The following CUX1 variants were observed in gnomAD, a reference collection of about 807,000 sequenced individuals.
CUX1 encodes the protein cut like homeobox 1, also known as protein CASP.
In CUX1, 31 loss-of-function variants were observed where a neutral mutation model predicts 158.8. The ratio of observed to expected loss-of-function variants is 0.20; its 90% CI spans 0.15 to 0.26. CUX1 has a LOEUF of 0.26. Among genes scored for constraint, CUX1 ranks in the 10% least tolerant of loss-of-function variants. The probability of loss-of-function intolerance (pLI) is 1.00; values close to 1 mark genes in which losing one functional copy is unlikely to be tolerated. For missense variants in CUX1, 1,589 were observed against 2,014.6 expected (o/e 0.79, Z 4.04); for synonymous variants, 879 against 862.1 (o/e 1.02, Z -0.34).
At chr7:101,907,742 T>C (rs12532535) in intron 1 of CUX1, among the ~76,000 whole-genome samples, 27,517 of 152,140 alleles carry the variant, frequency 0.18, 4,266 homozygotes, top group East Asian at 0.84. Context: ...AAATGAACTT[T>C]CTGCAAATGA....
intron 10 of CUX1, among the ~76,000 whole-genome samples, 183 bp downstream of exon 10, chr7:102,170,733 G>A (rs1791620011): frequency 6.6e-6 from 1 of 152,196 alleles, no homozygotes; most frequent in East Asian, 1.9e-4. Context: ...GTCGAAGGAA[G>A]AGCTTTGCTA....
Position 101,817,641 on chromosome 7 carries a change from T to TG in CUX1, c.3dup (p.Leu2_?1). The TG allele has an allele frequency of 6.4e-7, 1 of 1,551,536 alleles. No individual in the cohort carries two copies. The highest frequency in any genetic ancestry group is 8.7e-7 in the Non-Finnish European group (1 of 1,147,524). Reference sequence around the variant, plus strand: ...CAGCCCCGGGACTCTGCCAGGTGGATGTTGTGCGTAGCCGGAGCCAGGTTG... The same window carrying TG: ...CAGCCCCGGGACTCTGCCAGGTGGATGGTTGTGCGTAGCCGGAGCCAGGTTG... On this transcript the variant is annotated frameshift_variant and start_lost, in exon 1 of 24. Coordinates refer to ENST00000292535, the MANE Select transcript of CUX1 (RefSeq NM_181552.4). LOFTEE classifies it high-confidence loss of function. The surrounding 1 kb of genome is among the most constrained non-coding windows in gnomAD (Gnocchi z 4.1).
intron 2 of CUX1, among the ~76,000 whole-genome samples, chr7:101,950,043 T>C (rs1808868832): frequency 6.6e-6 from 1 of 152,188 alleles, no homozygotes; most frequent in Admixed American, 6.5e-5. Flanking sequence ...AGTCTCACCC[T>C]GTCGATCAGG....
chr7:102,083,989 A>C (rs1478103014), intron 4 of CUX1, among the ~76,000 whole-genome samples: 3 of 145,850 alleles, frequency 2.1e-5, no homozygotes, highest in African/African-American at 7.3e-5. Context: ...AGATTCAAGC[A>C]ATTCTCCTGT....
intron 4 of CUX1, among the ~76,000 whole-genome samples, chr7:102,072,840 G>A (rs1437334186): frequency 1.3e-5 from 2 of 152,174 alleles, no homozygotes; most frequent in Non-Finnish European, 2.9e-5. Flanking sequence ...TCTGGACTAT[G>A]TCATGTCCAT....
At chr7:101,826,774 G>T (rs1793351231) in intron 1 of CUX1, among the ~76,000 whole-genome samples, 2 of 152,076 alleles carry the variant, frequency 1.3e-5, no homozygotes, top group Non-Finnish European at 2.9e-5. Context: ...GTCGTGGGGT[G>T]GCCGGGGATC....
At chr7:102,113,649 C>T (rs1297377786) in intron 7 of CUX1, among the ~76,000 whole-genome samples, 1 of 152,174 alleles carries the variant, frequency 6.6e-6, no homozygotes, top group African/African-American at 2.4e-5. Flanking sequence ...CCTCAAACTC[C>T]TGGGCTGAAG....
At position 102,249,182 on chromosome 7, in the gene CUX1, C is replaced by T. The variant is rs1801200996; in HGVS notation, c.*140C>T. 2 of 1,133,640 alleles carry T rather than the reference C, an allele frequency of 1.8e-6. No homozygotes were observed. Among genetic ancestry groups the T allele is most frequent in the Non-Finnish European group, 1.1e-6 (1 of 923,128 alleles). The allele number at this position is 1,133,640 out of a possible 1,614,324, so 70.2% of individuals were successfully genotyped here. A position where few individuals can be genotyped will look rare whatever the true frequency, so the allele number is the denominator to read the frequency against. On this transcript the variant is annotated 3_prime_UTR_variant, in exon 24 of 24. Transcript: ENST00000292535. ...CCCCGGGCCGGACCTGAGCCCGCAG[C>T]CCAGACCCCCTCCACGGTCCGCGGC...
chr7:101,865,207 C>A (rs937014570), intron 1 of CUX1, among the ~76,000 whole-genome samples: 1 of 152,172 alleles, frequency 6.6e-6, no homozygotes, highest in Non-Finnish European at 1.5e-5. Flanking sequence ...CCTTGTGGAA[C>A]TTCTGTGGGA....
chr7:102,192,952 A>T (rs185548354), intron 12 of CUX1, among the ~76,000 whole-genome samples: 1 of 152,374 alleles, frequency 6.6e-6, no homozygotes. Flanking sequence ...GAGACAGCCC[A>T]GAGACCGTAG....
chr7:101,919,294 G>A (rs1804608803), intron 2 of CUX1, among the ~76,000 whole-genome samples: 1 of 152,136 alleles, frequency 6.6e-6, no homozygotes, highest in Non-Finnish European at 1.5e-5. Context: ...GTCCCAAGGG[G>A]ACACTGGGTC....
chr7:101,999,912 G>A (rs1816467796), intron 2 of CUX1, among the ~76,000 whole-genome samples: 1 of 152,170 alleles, frequency 6.6e-6, no homozygotes. Context: ...GTGTGTGCAT[G>A]TGTGTTCTAA....
At chr7:101,849,174 G>A (rs1259338950) in intron 1 of CUX1, among the ~76,000 whole-genome samples, 5 of 151,990 alleles carry the variant, frequency 3.3e-5, no homozygotes, top group East Asian at 3.9e-4. Context: ...TCTATTTCAC[G>A]TCATTGTTCA....
chr7:102,070,665 A>C (rs868584492), intron 4 of CUX1, among the ~76,000 whole-genome samples: 3 of 152,228 alleles, frequency 2.0e-5, no homozygotes, highest in Non-Finnish European at 2.9e-5. Context: ...GTAAAAGCAG[A>C]GATCCAAATC....
intron 2 of CUX1, among the ~76,000 whole-genome samples, chr7:101,972,262 G>T (rs181385411): frequency 6.6e-6 from 1 of 152,140 alleles, no homozygotes; most frequent in African/African-American, 2.4e-5. Context: ...CACCGTGCCC[G>T]GGCCAGATCA....
At chr7:102,049,767 G>A (rs1475432325) in intron 3 of CUX1, among the ~76,000 whole-genome samples, 3 of 152,186 alleles carry the variant, frequency 2.0e-5, no homozygotes, top group African/African-American at 7.2e-5. Context: ...TCCTAGGGCT[G>A]TGGGAGGAAT....
intron 1 of CUX1, among the ~76,000 whole-genome samples, chr7:101,912,076 G>A (rs1172512959): frequency 1.3e-5 from 2 of 152,282 alleles, no homozygotes; most frequent in Admixed American, 6.5e-5. Flanking sequence ...CCAGGGGCCC[G>A]CAGGTGTTTC....
chr7:101,911,430 C>T (rs953715914), intron 1 of CUX1, among the ~76,000 whole-genome samples: 2 of 152,078 alleles, frequency 1.3e-5, no homozygotes, highest in African/African-American at 4.8e-5. Context: ...TTGGTCTTGG[C>T]CTTGGTCCTG....
Position 101,883,595 on chromosome 7 carries a change from TTG to T in CUX1, c.31-32519_31-32518del, listed in dbSNP as rs1491458669. ...TTTTTTCTTTTTCTTTAATTTTTTT[TTG>T]AAATTTTAAATTATTATTATTACTG... is the stretch of plus-strand genomic sequence containing the variant. On this transcript the variant is annotated intron_variant, in intron 1 of 23. Coordinates refer to ENST00000292535, the MANE Select transcript of CUX1 (RefSeq NM_181552.4). 5.5e-5 allele frequency among the ~76,000 whole-genome samples: 7 copies of T among 126,432 alleles called. No individual in the cohort carries two copies. The South Asian group carries it at 2.0e-3, about 36-fold the overall frequency. The allele number at this position is 126,432 out of a possible 152,430, so 82.9% of individuals were successfully genotyped here.
Sources: allele counts gnomAD v4.1 joint callset (sites outside exome capture counted in the v4.1 genomes callset), GRCh38; gene constraint gnomAD v4.1.1; non-coding constraint Gnocchi (gnomAD v3.1); transcripts MANE v1.5; gene names NCBI Gene and HGNC (gene_info 2026-07-23, HGNC 2026-07-21).